The following SORCS1 variants were observed in gnomAD, a reference collection of about 807,000 sequenced individuals.
SORCS1 encodes sortilin related VPS10 domain containing receptor 1.
In SORCS1, 60 loss-of-function variants were observed where a neutral mutation model predicts 146.1. That is an observed-to-expected ratio of 0.41 (90% CI 0.33 to 0.51). The LOEUF is 0.51. Ranked by LOEUF, SORCS1 falls within the 20% of genes least tolerant of loss-of-function variation. The pLI, the probability that SORCS1 is intolerant of heterozygous loss-of-function variation, is 0.21. For synonymous variants in SORCS1, 637 were observed against 584.0 expected, an observed-to-expected ratio of 1.09 and a Z score of -1.31; for missense variants, 1,352 against 1,487.6, an observed-to-expected ratio of 0.91 and a Z score of 1.50.
chr10:106,632,842 T>C (rs752328193), intron 18 of SORCS1, among the ~76,000 whole-genome samples: 43 of 152,130 alleles, frequency 2.8e-4, no homozygotes, highest in Non-Finnish European at 4.4e-4. Context: ...CAAAGAAGGC[T>C]TCCAAAAGGA....
At chr10:107,165,284 C>CGT (rs1424930240), upstream of SORCS1, among the ~76,000 whole-genome samples, 1 of 72,982 alleles carries the variant, frequency 1.4e-5, no homozygotes, top group Non-Finnish European at 3.1e-5. This position sits in a 1 kb window ranked among gnomAD's most constrained non-coding sequence, Gnocchi z 4.0. Context: ...TAAATGATCT[C>CGT]GTGTGTGAGT....
intron 1 of SORCS1, among the ~76,000 whole-genome samples, chr10:107,109,854 G>A (rs893319106): frequency 6.6e-6 from 1 of 152,110 alleles, no homozygotes; most frequent in African/African-American, 2.4e-5. Context: ...CATCTGATAG[G>A]TAGGCTATTA....
chr10:106,807,382 T>C (rs1021799662), intron 3 of SORCS1, among the ~76,000 whole-genome samples: 1 of 152,188 alleles, frequency 6.6e-6, no homozygotes, highest in Non-Finnish European at 1.5e-5. Flanking sequence ...TAAAATAAAT[T>C]GTTTCATTCA....
At chr10:107,133,980 C>T (rs1013195580) in intron 1 of SORCS1, among the ~76,000 whole-genome samples, 3 of 152,188 alleles carry the variant, frequency 2.0e-5, no homozygotes, top group Non-Finnish European at 4.4e-5. Context: ...ACAAACTTTG[C>T]CACAAATTGC....
rs979288781 is a variant in SORCS1 at position 106,896,894 on chromosome 10, T to G, written c.626+59619A>C. The stretch of plus-strand genomic sequence containing the variant: ...TAATCTATGCACCAAATACTGTTTT[T>G]TTTTTTTTTTTTTTGAGATGGAGTC... On this transcript the variant is annotated intron_variant, in intron 2 of 25. Transcript: ENST00000263054. Among the ~76,000 whole-genome samples the G allele has an allele frequency of 8.8e-5, 13 of 147,740 alleles. No homozygotes were observed. The East Asian group carries it at 2.0e-3, about 22-fold the overall frequency.
At chr10:106,839,630 T>G (rs562178959) in intron 2 of SORCS1, among the ~76,000 whole-genome samples, 2 of 152,296 alleles carry the variant, frequency 1.3e-5, no homozygotes, top group Non-Finnish European at 2.9e-5. Flanking sequence ...CAGCAGATGT[T>G]CAATGTAGAG....
At chr10:106,631,382 A>C (rs1353824352) in intron 18 of SORCS1, among the ~76,000 whole-genome samples, 1 of 152,268 alleles carries the variant, frequency 6.6e-6, no homozygotes, top group East Asian at 1.9e-4. Flanking sequence ...TCCTTCATTT[A>C]AACAACCAAA....
intron 8 of SORCS1, among the ~76,000 whole-genome samples, chr10:106,706,103 A>G (rs982348561): frequency 6.6e-6 from 1 of 152,140 alleles, no homozygotes; most frequent in Non-Finnish European, 1.5e-5. Context: ...AAACCAATAC[A>G]TATGGCTTGA....
rs1035959409 is a variant in SORCS1, at chr10:106,968,182, C to T, written c.559-11602G>A. On this transcript the variant is annotated intron_variant, in intron 1 of 25. Transcript: ENST00000263054. ...CCGAGATCGCGCCACTGCACTCCAG[C>T]CTGGGCGACAGCGAGACTTCGTCTC... Among the ~76,000 whole-genome samples, 4 of 152,178 alleles carry T rather than the reference C, an allele frequency of 2.6e-5. No individual in the cohort carries two copies. The South Asian group carries it at 6.2e-4, about 24-fold the overall frequency.
chr10:107,148,024 T>C (rs577533368), intron 1 of SORCS1, among the ~76,000 whole-genome samples: 29 of 152,308 alleles, frequency 1.9e-4, no homozygotes, highest in African/African-American at 6.3e-4. Flanking sequence ...ACATGGCAGA[T>C]TGAGTTTTTA....
At chr10:106,923,871 AGT>A (rs1952848454) in intron 2 of SORCS1, among the ~76,000 whole-genome samples, 1 of 152,216 alleles carries the variant, frequency 6.6e-6, no homozygotes. Context: ...GTGCTTGTAT[AGT>A]GTGGATAACA....
chr10:106,924,547 T>C (rs889673157), intron 2 of SORCS1, among the ~76,000 whole-genome samples: 1 of 151,874 alleles, frequency 6.6e-6, no homozygotes, highest in African/African-American at 2.4e-5. Context: ...CTCCAAAACA[T>C]ATGGAGGCAA....
At position 106,629,246 on chromosome 10, in the gene SORCS1, T is replaced by C. The variant is rs962210552; in HGVS notation, c.2618A>G (p.Asn873Ser). 10 of 1,614,004 alleles carry C rather than the reference T, an allele frequency of 6.2e-6. No individual in the cohort carries two copies. In the African/African-American group the frequency reaches 1.1e-4, roughly 17 times the overall value. Residue 873 changes from asparagine to serine, a missense_variant, in exon 19 of 26, where the codon AAC (asparagine) becomes AGC (serine). This residue lies in a region of SORCS1 where 648 missense variants were observed against 793.8 expected (regional missense o/e 0.82). Coordinates refer to ENST00000263054, the MANE Select transcript of SORCS1 (RefSeq NM_052918.5). Reference protein sequence around the residue: ...GIFRVTVQVDNSLGSDSAVLY... With the variant: ...GIFRVTVQVDSSLGSDSAVLY... ...GACGGCGCTGTCAGAACCCAGACTGTTGTCCACCTGCACGGTCACACGGAA... is the reference window on the plus strand; with the variant it reads ...GACGGCGCTGTCAGAACCCAGACTGCTGTCCACCTGCACGGTCACACGGAA...
At chr10:106,772,690 C>T (rs941469802) in intron 4 of SORCS1, among the ~76,000 whole-genome samples, 5 of 152,156 alleles carry the variant, frequency 3.3e-5, no homozygotes, top group African/African-American at 1.2e-4. Context: ...CTTTTAAAAT[C>T]TTAATATGAC....
At chr10:106,981,893 T>A (rs1008248214) in intron 1 of SORCS1, among the ~76,000 whole-genome samples, 1 of 152,174 alleles carries the variant, frequency 6.6e-6, no homozygotes, top group Admixed American at 6.5e-5. Flanking sequence ...TCTTCATGGA[T>A]CTCCTAAGAG....
chr10:106,629,728 G>A (rs1226702000), intron 18 of SORCS1, among the ~76,000 whole-genome samples: 1 of 152,164 alleles, frequency 6.6e-6, no homozygotes, highest in African/African-American at 2.4e-5. Context: ...AGGATAAAAG[G>A]TGTACACACA....
chr10:106,963,044 T>G (rs73380994), intron 1 of SORCS1, among the ~76,000 whole-genome samples: 2 of 151,588 alleles, frequency 1.3e-5, no homozygotes, highest in African/African-American at 4.9e-5. Context: ...CTGAAGAGAT[T>G]TGGAATAATC....
intron 17 of SORCS1, among the ~76,000 whole-genome samples, chr10:106,658,822 C>T (rs918570952): frequency 2.0e-5 from 3 of 152,158 alleles, no homozygotes; most frequent in Admixed American, 1.3e-4. Context: ...GAGAGAGATT[C>T]TTCTACCCCT....
At chr10:106,899,234 T>C (rs1305223995) in intron 2 of SORCS1, among the ~76,000 whole-genome samples, 1 of 152,192 alleles carries the variant, frequency 6.6e-6, no homozygotes, top group East Asian at 1.9e-4. Context: ...TGAAGTTCCC[T>C]CTCTGAATTC....
Sources: allele counts gnomAD v4.1 joint callset (sites outside exome capture counted in the v4.1 genomes callset), GRCh38; gene constraint gnomAD v4.1.1; regional missense constraint gnomAD v4.1.1; non-coding constraint Gnocchi (gnomAD v3.1); transcripts MANE v1.5; gene names NCBI Gene and HGNC (gene_info 2026-07-23, HGNC 2026-07-21).